The following CNOT4 variants were observed in gnomAD, a reference collection of about 807,000 sequenced individuals.
CNOT4 encodes the protein CCR4-associated factor 4.
CNOT4 carries 8 observed loss-of-function variants against 73.8 expected under a neutral mutation model. That is an observed-to-expected ratio of 0.11 (90% confidence interval 0.06 to 0.20). The LOEUF is 0.20. CNOT4 is among the 10% of genes least tolerant of loss of function. The probability of loss-of-function intolerance (pLI) is 1.00; values close to 1 mark genes in which losing one functional copy is unlikely to be tolerated. For missense variants in CNOT4, 564 were observed against 883.4 expected (o/e 0.64, Z 4.58); for synonymous variants, 293 against 321.1 (o/e 0.91, Z 0.94).
chr7:135,494,128 A>G (rs2129487811), intron 1 of CNOT4, among the ~76,000 whole-genome samples: 1 of 151,724 alleles, frequency 6.6e-6, no homozygotes, highest in East Asian at 1.9e-4. Context: ...TTGAGAAGGT[A>G]AAGTCCTATA....
intron 1 of CNOT4, among the ~76,000 whole-genome samples, chr7:135,460,181 T>C (rs546287871): frequency 6.6e-6 from 1 of 152,372 alleles, no homozygotes; most frequent in South Asian, 2.1e-4. Context: ...GACTCAAACT[T>C]TCTCCATGTC....
At chr7:135,444,226 T>G (rs1799675975) in intron 1 of CNOT4, among the ~76,000 whole-genome samples, 1 of 152,046 alleles carries the variant, frequency 6.6e-6, no homozygotes, top group South Asian at 2.1e-4. Flanking sequence ...TTGGTGGTTA[T>G]TAAACTTAGA....
At chr7:135,479,897 C>T (rs1802256189) in intron 1 of CNOT4, among the ~76,000 whole-genome samples, 1 of 151,874 alleles carries the variant, frequency 6.6e-6, no homozygotes, top group Non-Finnish European at 1.5e-5. Context: ...ATCAAAAAAA[C>T]AAAACAAAAC....
chr7:135,449,520 G>A (rs932264442), intron 1 of CNOT4, among the ~76,000 whole-genome samples: 4 of 151,986 alleles, frequency 2.6e-5, no homozygotes, highest in Non-Finnish European at 4.4e-5. Flanking sequence ...TAGTAAAATT[G>A]CACAACACTA....
chr7:135,395,657 T>G lies in CNOT4; in HGVS notation c.1106A>C (p.Glu369Ala), dbSNP rs753545356. 1 of 1,614,056 alleles carries G rather than the reference T, an allele frequency of 6.2e-7. No individual in the cohort carries two copies. Among genetic ancestry groups the G allele is most frequent in the South Asian group, 1.1e-5 (1 of 91,080 alleles). Reference sequence around the variant, plus strand: ...ACCTGATGTGAAGAGGCTCTGTGGTTCTGGTGCTGTAGGCCAGTCACTGGA... The same window carrying G: ...ACCTGATGTGAAGAGGCTCTGTGGTGCTGGTGCTGTAGGCCAGTCACTGGA... Reference protein sequence around the residue: ...QTSSDWPTAPEPQSLFTSETI... With the variant: ...QTSSDWPTAPAPQSLFTSETI... The change falls in exon 9 of 12, where the codon GAA becomes GCA. Residue 369 changes from glutamate to alanine, a missense_variant. This residue lies in a region of CNOT4 where 135 missense variants were observed against 154.0 expected (regional missense o/e 0.88). Coordinates refer to ENST00000541284, the MANE Select transcript of CNOT4 (RefSeq NM_001190850.2).
At chr7:135,508,919 C>A (rs1804546120) in intron 1 of CNOT4, among the ~76,000 whole-genome samples, 1 of 150,962 alleles carries the variant, frequency 6.6e-6, no homozygotes, top group South Asian at 2.1e-4. Context: ...ATGATAAAAC[C>A]GGTCCAAAAC....
rs572521286 is a variant in CNOT4 at position 135,458,763 on chromosome 7, C to A, written c.-92-20340G>T. ...TGAGATTGCAGCAATTCAGTCACAT[C>A]TTCAGGCTGTACTTCTAATTCTAGT... On this transcript the variant is annotated intron_variant, in intron 1 of 11. Coordinates refer to ENST00000541284, the MANE Select transcript of CNOT4 (RefSeq NM_001190850.2). 3.3e-5 allele frequency among the ~76,000 whole-genome samples: 5 copies of A among 152,172 alleles called. No individual in the cohort carries two copies. In the South Asian group the frequency reaches 1.0e-3, roughly 32 times the overall value.
At chr7:135,380,128 A>AAC (rs1795761072) in intron 10 of CNOT4, among the ~76,000 whole-genome samples, 1 of 152,102 alleles carries the variant, frequency 6.6e-6, no homozygotes, top group African/African-American at 2.4e-5. Flanking sequence ...ATTGGGGAAA[A>AAC]AAAAAAAAAC....
At chr7:135,395,600 A>G (rs1445892171) in intron 9 of CNOT4, 34 bp downstream of exon 9, 1 of 1,591,336 alleles carries the variant, frequency 6.3e-7, no homozygotes, top group Non-Finnish European at 8.6e-7. Context: ...CGTTAAGAGC[A>G]TAATTACTAA....
chr7:135,427,423 C>T (rs992773166), intron 2 of CNOT4, among the ~76,000 whole-genome samples: 2 of 152,106 alleles, frequency 1.3e-5, no homozygotes, highest in Non-Finnish European at 2.9e-5. Context: ...ATCCCTTCCA[C>T]TGTCATAGTA....
At chr7:135,498,810 G>T (rs1803765979) in intron 1 of CNOT4, among the ~76,000 whole-genome samples, 1 of 152,126 alleles carries the variant, frequency 6.6e-6, no homozygotes, top group Non-Finnish European at 1.5e-5. Context: ...GCCTCCCAAA[G>T]TGCTGGGATT....
At chr7:135,489,110 G>A (rs557462210) in intron 1 of CNOT4, among the ~76,000 whole-genome samples, 35 of 151,972 alleles carry the variant, frequency 2.3e-4, no homozygotes, top group African/African-American at 8.0e-4. Context: ...GAAGTTTTAG[G>A]GCCAAAGAGA....
Position 135,395,680 on chromosome 7 carries a change from G to A in CNOT4, c.1083C>T (p.Ser361=). The part of the protein sequence containing the change: ...LPPFPSSPQT[S]SDWPTAPEPQ... ...GTTCTGGTGCTGTAGGCCAGTCACT[G>A]GATGTCTGTGGGGAGCTGGGGAAAG... Residue 361 remains serine, a synonymous_variant, in exon 9 of 12, where the codon TCC becomes TCT. Coordinates refer to ENST00000541284, the MANE Select transcript of CNOT4 (RefSeq NM_001190850.2). 2 of 1,614,142 alleles carry A rather than the reference G, an allele frequency of 1.2e-6. No individual in the cohort carries two copies.
chr7:135,404,912 A>T (rs970378626), intron 7 of CNOT4, among the ~76,000 whole-genome samples: 5 of 152,220 alleles, frequency 3.3e-5, no homozygotes, highest in African/African-American at 1.2e-4. Flanking sequence ...GTCTTCAGAT[A>T]ACAAGCCTCA....
At chr7:135,414,521 A>T (rs1370338206) in intron 4 of CNOT4, 89 bp from the exon 5 acceptor site, 3 of 677,348 alleles carry the variant, frequency 4.4e-6, no homozygotes, top group Non-Finnish European at 8.0e-6. Context: ...AATTCTAAAG[A>T]CCCTGACTAC....
chr7:135,398,173 TG>T lies in CNOT4; in HGVS notation c.874del (p.Gln292SerfsTer39). The T allele has an allele frequency of 6.6e-7, 1 of 1,523,422 alleles. No homozygotes were observed. The highest frequency in any genetic ancestry group is 9.1e-7 in the Non-Finnish European group (1 of 1,098,264). 94.4% of individuals were successfully genotyped at this position (1,523,422 alleles called of 1,614,324 possible). A position where few individuals can be genotyped will look rare whatever the true frequency, so the allele number is the denominator to read the frequency against. ...SLSIGNGDNS[Q>X]QISNSDTPSP... ...GATACTGTATTCAAATCTTACCTGCTGGGAATTATCACCGTTCCCTATACTG... is the reference window on the plus strand; with the variant it reads ...GATACTGTATTCAAATCTTACCTGCTGGAATTATCACCGTTCCCTATACTG... On this transcript the variant is annotated frameshift_variant, in exon 8 of 12. Coordinates refer to ENST00000541284, the MANE Select transcript of CNOT4 (RefSeq NM_001190850.2). LOFTEE classifies it high-confidence loss of function.
chr7:135,398,329 A>C (rs1796815090), intron 7 of CNOT4, 103 bp from the exon 8 acceptor site: 4 of 672,598 alleles, frequency 5.9e-6, no homozygotes, highest in Non-Finnish European at 1.1e-5. Context: ...TTACCATCTT[A>C]ACAAATGTTT....
At chr7:135,388,168 A>G (rs1043822540) in intron 10 of CNOT4, 1 of 985,154 alleles carries the variant, frequency 1.0e-6, no homozygotes, top group African/African-American at 1.7e-5. Flanking sequence ...TTAACCATCT[A>G]TGCATAATTA....
At chr7:135,385,196 A>G (rs890036233) in intron 10 of CNOT4, among the ~76,000 whole-genome samples, 3 of 152,242 alleles carry the variant, frequency 2.0e-5, no homozygotes, top group Non-Finnish European at 4.4e-5. Context: ...CTAAGAACCT[A>G]TAGTTCTCTA....
Sources: gnomAD v4.1 joint callset for allele counts (sites outside exome capture counted in the v4.1 genomes callset) on GRCh38, gnomAD v4.1.1 for gene constraint, gnomAD v4.1.1 regional missense constraint, MANE v1.5 for transcripts, NCBI Gene and HGNC (gene_info 2026-07-23, HGNC 2026-07-21) for gene names.